Variants in PSD3 observed in about 807,000 individuals in gnomAD.
The protein encoded by PSD3 is PH and SEC7 domain-containing protein 3.
Under a neutral mutation model 105.5 loss-of-function variants are expected in PSD3, and 49 were observed. That is an observed-to-expected ratio of 0.46 (90% CI 0.37 to 0.59). The LOEUF is 0.59. Among genes scored for constraint, PSD3 ranks in the 20% least tolerant of loss-of-function variants. The pLI is 0.00. For synonymous variants in PSD3, 557 were observed against 457.8 expected (o/e 1.22, Z -2.77); for missense variants, 1,561 against 1,263.8 (o/e 1.24, Z -3.57).
At chr8:18,752,657 T>A (rs182460095) in intron 9 of PSD3, among the ~76,000 whole-genome samples, 1,762 of 103,832 alleles carry the variant, frequency 0.017, 78 homozygotes, top group African/African-American at 0.065. Flanking sequence ...ATATAATATA[T>A]TATATTTGAT....
At chr8:18,830,062 G>T (rs925547937) in intron 4 of PSD3, among the ~76,000 whole-genome samples, 13 of 151,972 alleles carry the variant, frequency 8.6e-5, no homozygotes, top group African/African-American at 3.1e-4. Context: ...CTGCTTCCTG[G>T]GTTCAAGCAA....
chr8:18,691,668 G>A (rs1800980836), intron 9 of PSD3, among the ~76,000 whole-genome samples: 1 of 152,150 alleles, frequency 6.6e-6, no homozygotes, highest in Admixed American at 6.5e-5. Context: ...AGAAAATACT[G>A]TTTCAAAAGC....
intron 1 of PSD3, among the ~76,000 whole-genome samples, chr8:18,974,964 G>A (rs992998454): frequency 6.6e-6 from 1 of 152,138 alleles, no homozygotes; most frequent in Non-Finnish European, 1.5e-5. Flanking sequence ...ACCATGCACT[G>A]TTGCCATGGC....
At chr8:18,789,110 T>C (rs1563269491) in intron 8 of PSD3, among the ~76,000 whole-genome samples, 2 of 152,150 alleles carry the variant, frequency 1.3e-5, no homozygotes. Flanking sequence ...GAAAAAGGAA[T>C]CAGAGTGGTA....
intron 11 of PSD3, among the ~76,000 whole-genome samples, chr8:18,626,111 T>A (rs564193402): frequency 6.6e-6 from 1 of 152,228 alleles, no homozygotes; most frequent in Non-Finnish European, 1.5e-5. Context: ...AATACATACT[T>A]CTAAGATAGG....
intron 14 of PSD3, among the ~76,000 whole-genome samples, chr8:18,565,805 G>C (rs1232586891): frequency 1.3e-5 from 2 of 152,236 alleles, no homozygotes; most frequent in African/African-American, 2.4e-5. Flanking sequence ...CAATAGGAGT[G>C]GGTTGGATTT....
intron 15 of PSD3, among the ~76,000 whole-genome samples, chr8:18,536,186 C>T (rs1158665792): frequency 1.3e-5 from 2 of 152,176 alleles, no homozygotes; most frequent in African/African-American, 4.8e-5. Context: ...CTCATTTGTT[C>T]TAGATTCTGA....
intron 1 of PSD3, among the ~76,000 whole-genome samples, chr8:18,941,800 G>A (rs1374711476): frequency 6.6e-6 from 1 of 151,262 alleles, no homozygotes; most frequent in Non-Finnish European, 1.5e-5. Context: ...AGCCTCCAGA[G>A]TAGCTGGGAT....
At chr8:18,760,966 TA>T (rs1806477011) in intron 9 of PSD3, among the ~76,000 whole-genome samples, 1 of 152,180 alleles carries the variant, frequency 6.6e-6, no homozygotes, top group Non-Finnish European at 1.5e-5. Flanking sequence ...TCTCCATCAA[TA>T]TTCCAGGATA....
chr8:18,630,024 G>A (rs898065059), intron 11 of PSD3, among the ~76,000 whole-genome samples: 1 of 151,800 alleles, frequency 6.6e-6, no homozygotes, highest in Non-Finnish European at 1.5e-5. Context: ...TGGAAAAACA[G>A]AGGTTAAAAG....
chr8:18,873,690 C>T (rs1275479385), intron 2 of PSD3, among the ~76,000 whole-genome samples: 1 of 152,080 alleles, frequency 6.6e-6, no homozygotes, highest in Non-Finnish European at 1.5e-5. Context: ...TTCCTCCTAC[C>T]TATCTGCAAT....
intron 9 of PSD3, among the ~76,000 whole-genome samples, chr8:18,743,958 CTCACCA>C (rs1317655091): frequency 1.6e-5 from 1 of 63,446 alleles, no homozygotes; most frequent in Non-Finnish European, 3.6e-5. Flanking sequence ...AACTCTGTCT[CTCACCA>C]CCACCACCAC....
At chr8:18,607,635 C>T (rs536141222) in intron 11 of PSD3, among the ~76,000 whole-genome samples, 36 of 130,204 alleles carry the variant, frequency 2.8e-4, no homozygotes, top group African/African-American at 8.6e-4. Flanking sequence ...AGGCTGGGCA[C>T]GGTGGCTCAC....
chr8:18,535,750 AC>A lies in PSD3; in HGVS notation c.3136del (p.Val1046LeufsTer17), dbSNP rs780510710. 1 of 1,610,764 alleles carries A rather than the reference AC, an allele frequency of 6.2e-7. No individual in the cohort carries two copies. The highest frequency in any genetic ancestry group is 8.5e-7 in the Non-Finnish European group (1 of 1,176,954). The part of the protein sequence containing the change: ...RPETPSIKQK[V>X]T ...CCTGGCCGCAGATGGACTCTAAGTA[AC>A]TTTTTGCTTAATGCTTGGTGTTTCA... is the stretch of plus-strand genomic sequence containing the variant. On this transcript the variant is annotated frameshift_variant, in exon 16 of 16. Transcript: ENST00000327040. LOFTEE classifies it high-confidence loss of function.
chr8:18,680,636 T>TATC (rs1800331548), intron 9 of PSD3, among the ~76,000 whole-genome samples: 1 of 152,250 alleles, frequency 6.6e-6, no homozygotes, highest in African/African-American at 2.4e-5. Context: ...CAAACATTAT[T>TATC]ATCGAGAAAA....
At chr8:18,709,222 G>A (rs1290537556) in intron 9 of PSD3, among the ~76,000 whole-genome samples, 5 of 152,172 alleles carry the variant, frequency 3.3e-5, no homozygotes, top group East Asian at 1.9e-4. Context: ...GAAGCACAGC[G>A]ACTGTGGCAG....
chr8:19,083,123 A>G (rs1829695119), intron 1 of PSD3, among the ~76,000 whole-genome samples: 1 of 152,084 alleles, frequency 6.6e-6, no homozygotes, highest in African/African-American at 2.4e-5. Context: ...TGTCCATGCT[A>G]ACCCTCAACA....
intron 9 of PSD3, among the ~76,000 whole-genome samples, chr8:18,701,059 T>C (rs1377867706): frequency 6.6e-6 from 1 of 151,980 alleles, no homozygotes; most frequent in African/African-American, 2.4e-5. Context: ...CTCAACCTCC[T>C]GGCTTAAGCA....
intron 9 of PSD3, among the ~76,000 whole-genome samples, chr8:18,759,403 A>T (rs965078037): frequency 2.0e-5 from 3 of 152,156 alleles, no homozygotes; most frequent in Admixed American, 2.0e-4. Context: ...GTATGTTTTT[A>T]AACATTCTGC....
Sources: allele counts gnomAD v4.1 joint callset (sites outside exome capture counted in the v4.1 genomes callset), GRCh38; gene constraint gnomAD v4.1.1; transcripts MANE v1.5; gene names NCBI Gene and HGNC (gene_info 2026-07-23, HGNC 2026-07-21).